Variants in GPC3 observed in about 807,000 individuals in gnomAD.
GPC3 encodes the protein glypican-3.
In GPC3, 3 loss-of-function variants were observed where a neutral mutation model predicts 34.4. That is an observed-to-expected ratio of 0.09 (90% CI 0.04 to 0.23). The LOEUF is 0.23. GPC3 is among the 10% of genes least tolerant of loss of function. GPC3 has a pLI of 1.00. For synonymous variants in GPC3, 177 were observed against 174.0 expected, an observed-to-expected ratio of 1.02 and a Z score of -0.13; for missense variants, 351 against 445.6, an observed-to-expected ratio of 0.79 and a Z score of 1.91.
chrX:133,605,119 C>T (rs898521838), intron 6 of GPC3, among the ~76,000 whole-genome samples: 2 of 109,719 alleles, frequency 1.8e-5, no homozygotes, highest in African/African-American at 6.7e-5. Flanking sequence ...GAGATAAAGC[C>T]AGAACCCAAA....
chrX:133,949,550 G>C (rs1011843895), intron 2 of GPC3, among the ~76,000 whole-genome samples: 4 of 110,831 alleles, frequency 3.6e-5, no homozygotes, highest in African/African-American at 9.8e-5. Flanking sequence ...TCAAGTTGTG[G>C]AATAGGCAAC....
At chrX:133,685,884 C>T (rs901151161) in intron 5 of GPC3, among the ~76,000 whole-genome samples, 3 of 109,743 alleles carry the variant, frequency 2.7e-5, no homozygotes, top group South Asian at 4.0e-4. Flanking sequence ...CGTGTCACCA[C>T]GCCCAGCTCC....
intron 7 of GPC3, among the ~76,000 whole-genome samples, chrX:133,540,915 G>GGTGTGTGT (rs369378252): frequency 6.4e-4 from 59 of 91,705 alleles, no homozygotes; most frequent in African/African-American, 2.0e-3. Flanking sequence ...ACATTGTTGT[G>GGTGTGTGT]GTGTGTGTGT....
rs758999778 is a variant in GPC3 at position 133,731,547 on chromosome X, C to T, written c.1032+21935G>A. Among the ~76,000 whole-genome samples, 7 of 111,024 alleles carry T rather than the reference C, an allele frequency of 6.3e-5. No individual in the cohort carries two copies. The East Asian group carries it at 1.1e-3, about 18-fold the overall frequency. On this transcript the variant is annotated intron_variant, in intron 3 of 7. Coordinates refer to ENST00000370818, the MANE Select transcript of GPC3 (RefSeq NM_004484.4). ...CTTGCTTACTTTGCCATATTTCTAA[C>T]CCTCACTTTTCTATTTTGCTGGTTT...
chrX:133,690,541 C>T (rs181536353), intron 5 of GPC3, among the ~76,000 whole-genome samples: 61 of 111,716 alleles, frequency 5.5e-4, no homozygotes, highest in Admixed American at 2.0e-3. Context: ...TTAATAAATT[C>T]CATTCAGCAT....
At chrX:133,671,446 A>G (rs990769768) in intron 5 of GPC3, 4 of 452,785 alleles carry the variant, frequency 8.8e-6, no homozygotes, top group African/African-American at 7.4e-5. Context: ...TTTATAAACT[A>G]AAAACTTTCA....
intron 2 of GPC3, among the ~76,000 whole-genome samples, chrX:133,860,348 G>C (rs1339271624): frequency 9.0e-6 from 1 of 110,694 alleles, no homozygotes; most frequent in Non-Finnish European, 1.9e-5. Context: ...GCTAAGGTAA[G>C]AATACAAAGG....
chrX:133,536,657 C>CCAGAT (rs2069296566), intron 7 of GPC3, among the ~76,000 whole-genome samples: 3 of 110,595 alleles, frequency 2.7e-5, no homozygotes, highest in African/African-American at 9.9e-5. Context: ...GGCATTTTCA[C>CCAGAT]CAGATCTTAT....
At chrX:133,577,709 T>TG (rs2069697954) in intron 7 of GPC3, among the ~76,000 whole-genome samples, 1 of 112,276 alleles carries the variant, frequency 8.9e-6, no homozygotes, top group African/African-American at 3.2e-5. Flanking sequence ...CTATTCCTAC[T>TG]GATGTTTGCC....
chrX:133,897,117 A>G (rs1010661442), intron 2 of GPC3, among the ~76,000 whole-genome samples: 14 of 108,404 alleles, frequency 1.3e-4, no homozygotes, highest in South Asian at 8.3e-4. Context: ...CGTGTTAGCC[A>G]GGATGGTCTC....
intron 6 of GPC3, among the ~76,000 whole-genome samples, chrX:133,648,910 G>A (rs1226941582): frequency 9.0e-6 from 1 of 111,681 alleles, no homozygotes; most frequent in Non-Finnish European, 1.9e-5. Context: ...TAATTCCCTC[G>A]GTAAGAATTA....
chrX:133,864,351 C>A (rs2075956797), intron 2 of GPC3, among the ~76,000 whole-genome samples: 1 of 111,629 alleles, frequency 9.0e-6, no homozygotes, highest in South Asian at 3.8e-4. Flanking sequence ...GAAGAAATTT[C>A]CCATCATAGA....
chrX:133,720,845 G>A (rs1424382237), intron 3 of GPC3, among the ~76,000 whole-genome samples: 2 of 109,818 alleles, frequency 1.8e-5, no homozygotes, highest in African/African-American at 6.6e-5. Flanking sequence ...CTATGAGGAC[G>A]CAAAGGCATA....
intron 6 of GPC3, among the ~76,000 whole-genome samples, chrX:133,627,644 C>T (rs1178552961): frequency 8.9e-6 from 1 of 112,501 alleles, no homozygotes; most frequent in East Asian, 2.8e-4. Context: ...TCAACAAAGG[C>T]CAACTTCTAA....
chrX:133,699,132 G>C (rs1399264194), intron 4 of GPC3, among the ~76,000 whole-genome samples: 1 of 111,695 alleles, frequency 9.0e-6, no homozygotes, highest in Non-Finnish European at 1.9e-5. Context: ...CACGAGAATG[G>C]CTTTAACCTG....
At chrX:133,901,070 T>C (rs1308919365) in intron 2 of GPC3, among the ~76,000 whole-genome samples, 1 of 112,170 alleles carries the variant, frequency 8.9e-6, no homozygotes, top group Non-Finnish European at 1.9e-5. Flanking sequence ...ATAAAAATAA[T>C]GTTGTATTTC....
At chrX:133,856,631 A>T (rs773692565) in intron 2 of GPC3, among the ~76,000 whole-genome samples, 2 of 111,914 alleles carry the variant, frequency 1.8e-5, no homozygotes, top group East Asian at 5.6e-4. Context: ...CTACACTAAA[A>T]TGTTAATAGC....
chrX:133,947,287 G>A (rs1193976286), intron 2 of GPC3, among the ~76,000 whole-genome samples: 1 of 111,531 alleles, frequency 9.0e-6, no homozygotes, highest in Non-Finnish European at 1.9e-5. Context: ...TCAGAGCCCT[G>A]TTAAATCAAG....
At chrX:133,617,908 G>A (rs1467580084) in intron 6 of GPC3, among the ~76,000 whole-genome samples, 1 of 111,480 alleles carries the variant, frequency 9.0e-6, no homozygotes, top group Non-Finnish European at 1.9e-5. Context: ...ACAGGTGTGA[G>A]CCACTGTGCC....
Sources: gnomAD v4.1 joint callset for allele counts (sites outside exome capture counted in the v4.1 genomes callset) on GRCh38, gnomAD v4.1.1 for gene constraint, MANE v1.5 for transcripts, NCBI Gene and HGNC (gene_info 2026-07-23, HGNC 2026-07-21) for gene names.